Variants in FUT8 observed in about 807,000 individuals in gnomAD.
The protein encoded by FUT8 is fucosyltransferase 8, also known as alpha-(1,6)-fucosyltransferase.
FUT8 carries 29 observed loss-of-function variants against 71.3 expected under a neutral mutation model. The ratio of observed to expected loss-of-function variants is 0.41; its 90% CI spans 0.30 to 0.55. The LOEUF (loss-of-function observed/expected upper bound fraction) is 0.55. Among genes scored for constraint, FUT8 ranks in the 20% least tolerant of loss-of-function variants. The pLI is 0.34. For synonymous variants in FUT8, 254 were observed against 239.3 expected, an observed-to-expected ratio of 1.06 and a Z score of -0.57; for missense variants, 544 against 702.1, an observed-to-expected ratio of 0.77 and a Z score of 2.55.
At chr14:65,730,147 T>C (rs1202613381) in intron 9 of FUT8, among the ~76,000 whole-genome samples, 5 of 152,234 alleles carry the variant, frequency 3.3e-5, no homozygotes, top group Non-Finnish European at 7.3e-5. Flanking sequence ...AAGGTAATCA[T>C]TGTAAGACTT....
intron 2 of FUT8, among the ~76,000 whole-genome samples, chr14:65,481,853 G>T (rs996219560): frequency 1.3e-5 from 2 of 152,070 alleles, no homozygotes; most frequent in Non-Finnish European, 2.9e-5. Context: ...TTTGAGAGCG[G>T]TTTATATTCT....
chr14:65,633,985 G>A (rs1355000904), intron 6 of FUT8, among the ~76,000 whole-genome samples: 2 of 151,994 alleles, frequency 1.3e-5, no homozygotes, highest in Non-Finnish European at 2.9e-5. Flanking sequence ...TCCGGGAGGT[G>A]AGGGGCGCCT....
chr14:65,462,969 G>A (rs1294817439), intron 2 of FUT8, among the ~76,000 whole-genome samples: 2 of 152,188 alleles, frequency 1.3e-5, no homozygotes, highest in Non-Finnish European at 2.9e-5. Context: ...CTTCCTGTAT[G>A]TAGCCCTTCC....
intron 2 of FUT8, among the ~76,000 whole-genome samples, chr14:65,504,153 T>C (rs1344795406): frequency 6.6e-6 from 1 of 152,224 alleles, no homozygotes; most frequent in Non-Finnish European, 1.5e-5. Context: ...TTTGTATTAG[T>C]TGAACTTTCA....
At chr14:65,608,077 A>AG in intron 3 of FUT8, among the ~76,000 whole-genome samples, 1 of 151,656 alleles carries the variant, frequency 6.6e-6, no homozygotes, top group Non-Finnish European at 1.5e-5. Context: ...AAAAAAAAAA[A>AG]AAAAATGCTT....
intron 2 of FUT8, among the ~76,000 whole-genome samples, chr14:65,470,216 G>A (rs1326419487): frequency 6.6e-6 from 1 of 152,364 alleles, no homozygotes; most frequent in Non-Finnish European, 1.5e-5. Flanking sequence ...ATTGGAGCCG[G>A]TGCGGGAAGT....
rs56350757 is a variant in FUT8 at position 65,627,067 on chromosome 14, C to G, written c.483-2425C>G. The stretch of plus-strand genomic sequence containing the variant: ...TTTTCATTCATCTAAAGATATTTAT[C>G]GAATATTTTGTCTGTGACATGCACT... On this transcript the variant is annotated intron_variant, in intron 5 of 10. Coordinates refer to ENST00000673929, the MANE Select transcript of FUT8 (RefSeq NM_001371533.1). This position sits in a 1 kb window ranked among gnomAD's most constrained non-coding sequence, Gnocchi z 4.0. 2.0e-5 allele frequency among the ~76,000 whole-genome samples: 3 copies of G among 151,860 alleles called. No homozygotes were observed. Among genetic ancestry groups the G allele is most frequent in the Non-Finnish European group, 2.9e-5 (2 of 67,974 alleles).
intron 2 of FUT8, among the ~76,000 whole-genome samples, chr14:65,555,912 T>A (rs1885563189): frequency 6.6e-6 from 1 of 152,202 alleles, no homozygotes; most frequent in Non-Finnish European, 1.5e-5. Flanking sequence ...ATCTGTTAAA[T>A]CTCTTATTTG....
At chr14:65,622,220 G>A (rs997009951) in intron 5 of FUT8, among the ~76,000 whole-genome samples, 5 of 152,158 alleles carry the variant, frequency 3.3e-5, no homozygotes, top group African/African-American at 9.7e-5. Context: ...TCCAAAATCC[G>A]TTCTCTTAAT....
intron 2 of FUT8, among the ~76,000 whole-genome samples, chr14:65,518,293 C>G (rs932153548): frequency 6.6e-6 from 1 of 152,134 alleles, no homozygotes; most frequent in Non-Finnish European, 1.5e-5. Flanking sequence ...CACAGCTAAG[C>G]AGAGCTTCTA....
the FUT8 span, among the ~76,000 whole-genome samples, chr14:65,391,901 T>C: frequency 6.7e-6 from 1 of 150,066 alleles, no homozygotes; most frequent in African/African-American, 2.5e-5. Flanking sequence ...GAATTACAGG[T>C]GTGAGACACT....
the FUT8 span, among the ~76,000 whole-genome samples, chr14:65,387,984 ATCT>A: frequency 5.3e-5 from 8 of 152,150 alleles, no homozygotes; most frequent in Non-Finnish European, 7.4e-5. Flanking sequence ...CCAGTTATTT[ATCT>A]TCTTCTTAGC....
rs1884191638 is a variant in FUT8 at position 65,534,888 on chromosome 14, CT to C, written c.-227-26445del. On this transcript the variant is annotated intron_variant, in intron 2 of 10. Coordinates refer to ENST00000673929, the MANE Select transcript of FUT8 (RefSeq NM_001371533.1). ...AAAACAAACTCCTGACTTCATTGAT[CT>C]TTTGGATGATTTTTTGTGTGTGTGT... Among the ~76,000 whole-genome samples the C allele has an allele frequency of 1.3e-5, 2 of 151,238 alleles. 1 individual carries two copies. Among genetic ancestry groups the C allele is most frequent in the South Asian group, 4.2e-4 (2 of 4,808 alleles).
intron 2 of FUT8, among the ~76,000 whole-genome samples, chr14:65,494,256 T>C (rs2066525875): frequency 6.6e-6 from 1 of 152,142 alleles, no homozygotes; most frequent in Non-Finnish European, 1.5e-5. Flanking sequence ...TATAAAAATA[T>C]CAATTAGAGT....
chr14:65,692,213 G>T (rs1180123443), intron 7 of FUT8, among the ~76,000 whole-genome samples: 1 of 150,976 alleles, frequency 6.6e-6, no homozygotes, highest in Non-Finnish European at 1.5e-5. Context: ...CGGACGGGGC[G>T]GCTGGCCAGG....
chr14:65,720,949 CCCACAATCA>C (rs1895384362), intron 7 of FUT8, among the ~76,000 whole-genome samples: 1 of 152,122 alleles, frequency 6.6e-6, no homozygotes, highest in East Asian at 1.9e-4. Context: ...AGTGCAAAGT[CCCACAATCA>C]CTGTGCTCCC....
In FUT8 at chr14:65,672,163, C is replaced by T. The variant is rs537089094; in HGVS notation, c.835+2683C>T. ...TGTGTGTGAAACTATATCCTTTGTA[C>T]CAAGTAAAATGGTTAAGTGAAGGAA... On this transcript the variant is annotated intron_variant, in intron 7 of 10. Coordinates refer to ENST00000673929, the MANE Select transcript of FUT8 (RefSeq NM_001371533.1). 4.6e-5 allele frequency among the ~76,000 whole-genome samples: 7 copies of T among 152,166 alleles called. No individual in the cohort carries two copies. In the South Asian group the frequency reaches 1.5e-3, roughly 32 times the overall value.
intron 2 of FUT8, among the ~76,000 whole-genome samples, chr14:65,547,961 T>C (rs1885067726): frequency 6.6e-6 from 1 of 151,962 alleles, no homozygotes; most frequent in Non-Finnish European, 1.5e-5. Context: ...TACCACAGTA[T>C]ATTTAGTCAT....
intron 5 of FUT8, among the ~76,000 whole-genome samples, chr14:65,618,628 A>T (rs1340868262): frequency 1.3e-5 from 2 of 152,200 alleles, no homozygotes; most frequent in Non-Finnish European, 2.9e-5. Context: ...AATAGAAAGG[A>T]CTTTTATTAT....
Sources: allele counts gnomAD v4.1 joint callset (sites outside exome capture counted in the v4.1 genomes callset), GRCh38; gene constraint gnomAD v4.1.1; non-coding constraint Gnocchi (gnomAD v3.1); transcripts MANE v1.5; gene names NCBI Gene and HGNC (gene_info 2026-07-23, HGNC 2026-07-21).